Variants in CCSER2 observed in about 807,000 individuals in gnomAD.
CCSER2 encodes the protein serine-rich coiled-coil domain-containing protein 2.
CCSER2 carries 46 observed loss-of-function variants against 92.3 expected under a neutral mutation model. The ratio of observed to expected loss-of-function variants is 0.50; its 90% CI spans 0.39 to 0.64. The LOEUF (loss-of-function observed/expected upper bound fraction) is 0.64. Among genes scored for constraint, CCSER2 ranks in the 30% least tolerant of loss-of-function variants. CCSER2 has a pLI of 0.00. For missense variants in CCSER2, 1,244 were observed against 1,238.9 expected, an observed-to-expected ratio of 1.00 and a Z score of -0.06; for synonymous variants, 433 against 431.4, an observed-to-expected ratio of 1.00 and a Z score of -0.04.
At chr10:84,343,760 GATCTTGTAGACATTTTATTAATGGGC>G (rs1490946353) in intron 1 of CCSER2, among the ~76,000 whole-genome samples, 2 of 152,212 alleles carry the variant, frequency 1.3e-5, no homozygotes, top group Non-Finnish European at 2.9e-5. Context: ...TGCCAGAAAG[GATCTTGTAGACATTTTATTAATGGGC>G]TAGAAAAGAG....
chr10:84,409,822 T>G (rs1009182321), intron 3 of CCSER2, among the ~76,000 whole-genome samples: 3 of 152,204 alleles, frequency 2.0e-5, no homozygotes, highest in African/African-American at 7.2e-5. Context: ...CATGTAAATG[T>G]GTGCCATGGT....
intron 1 of CCSER2, among the ~76,000 whole-genome samples, chr10:84,362,271 G>A (rs1000148891): frequency 1.9e-4 from 29 of 152,234 alleles, no homozygotes; most frequent in African/African-American, 7.0e-4. Context: ...GATTTGACCT[G>A]GTGTTTGTAA....
intron 1 of CCSER2, among the ~76,000 whole-genome samples, chr10:84,348,728 A>T (rs532210325): frequency 6.9e-6 from 1 of 145,458 alleles, no homozygotes; most frequent in East Asian, 2.1e-4. Flanking sequence ...GGACTGTCTT[A>T]AAAAAAGTTT....
rs757020496 is a variant in CCSER2, at chr10:84,373,708, C to T, written c.1507C>T (p.Pro503Ser). Residue 503 changes from proline to serine, a missense_variant, in exon 3 of 10, where the codon CCA becomes TCA. Transcript: ENST00000372088. ...YRAGSSFELSPSDSSDGTYMW... is the reference protein window; with the variant it reads ...YRAGSSFELSSSDSSDGTYMW... ...AGCTGGTTCTTCGTTTGAACTCTCT[C>T]CATCTGATAGCTCTGATGGAACATA... 6.2e-7 allele frequency: 1 copy of T among 1,613,744 alleles called. No homozygotes were observed. Among genetic ancestry groups the T allele is most frequent in the South Asian group, 1.1e-5 (1 of 91,068 alleles).
intron 3 of CCSER2, among the ~76,000 whole-genome samples, chr10:84,415,310 G>A (rs1842838360): frequency 6.6e-6 from 1 of 152,214 alleles, no homozygotes. Flanking sequence ...TGAGGTTGCT[G>A]ACCTTTGAAT....
chr10:84,363,779 CTTG>C (rs1419728562), intron 1 of CCSER2, among the ~76,000 whole-genome samples: 4 of 152,116 alleles, frequency 2.6e-5, no homozygotes, highest in African/African-American at 4.8e-5. Context: ...ATTCTTGTCC[CTTG>C]TTGTTAGTAG....
intron 3 of CCSER2, among the ~76,000 whole-genome samples, chr10:84,375,392 A>G (rs556605982): frequency 1.3e-5 from 2 of 152,184 alleles, no homozygotes; most frequent in Admixed American, 6.6e-5. Context: ...CTGAGAAAGA[A>G]TAGAGAGTTG....
intron 6 of CCSER2, among the ~76,000 whole-genome samples, chr10:84,448,064 T>C (rs1047688740): frequency 6.6e-6 from 1 of 152,056 alleles, no homozygotes; most frequent in Non-Finnish European, 1.5e-5. Flanking sequence ...TGTCAGCCCA[T>C]TGGACTCTGA....
At chr10:84,459,255 G>C (rs1845955617) in intron 6 of CCSER2, among the ~76,000 whole-genome samples, 1 of 152,112 alleles carries the variant, frequency 6.6e-6, no homozygotes, top group Admixed American at 6.5e-5. Flanking sequence ...TGGTCTGCCT[G>C]CCTCAGCCTC....
At chr10:84,426,722 A>C (rs1471213045) in intron 5 of CCSER2, among the ~76,000 whole-genome samples, 1 of 152,202 alleles carries the variant, frequency 6.6e-6, no homozygotes, top group Non-Finnish European at 1.5e-5. Flanking sequence ...GAAGAAAAAC[A>C]TGGTGTTGTG....
chr10:84,501,053 A>G (rs1848692003), intron 9 of CCSER2, among the ~76,000 whole-genome samples: 1 of 152,156 alleles, frequency 6.6e-6, no homozygotes, highest in Non-Finnish European at 1.5e-5. Flanking sequence ...GTTCTTTAGT[A>G]GCAAGTTCGT....
intron 3 of CCSER2, among the ~76,000 whole-genome samples, chr10:84,400,513 T>A (rs943328257): frequency 5.3e-5 from 8 of 152,244 alleles, no homozygotes; most frequent in African/African-American, 1.9e-4. Context: ...TTAGTTCTTA[T>A]ATTGAGGCCA....
intron 1 of CCSER2, among the ~76,000 whole-genome samples, chr10:84,331,733 G>C (rs1207942597): frequency 6.6e-6 from 1 of 152,126 alleles, no homozygotes; most frequent in Non-Finnish European, 1.5e-5. Flanking sequence ...ACAAACAATG[G>C]TCAAAGAAAT....
rs57903884 is a variant in CCSER2, at chr10:84,460,256, AT to A, written c.2065-3659del. ...GGGCATGCGCCACCATGCCCGGCTG[AT>A]TTTTTTTTTTTTTTTTTCATATTTT... On this transcript the variant is annotated intron_variant, in intron 6 of 9. Transcript: ENST00000372088. 9.9e-3 allele frequency among the ~76,000 whole-genome samples: 1,242 copies of A among 125,698 alleles called. 12 individuals are homozygous for A. Among genetic ancestry groups the A allele is most frequent in the African/African-American group, 0.027 (882 of 32,388 alleles). 82.5% of individuals were successfully genotyped at this position (125,698 alleles called of 152,430 possible).
At chr10:84,400,967 A>G (rs1842088117) in intron 3 of CCSER2, among the ~76,000 whole-genome samples, 1 of 152,122 alleles carries the variant, frequency 6.6e-6, no homozygotes, top group Non-Finnish European at 1.5e-5. Flanking sequence ...CACACCTGTA[A>G]TCTTAGTACT....
chr10:84,452,827 G>A (rs564109258), intron 6 of CCSER2, among the ~76,000 whole-genome samples: 3 of 151,652 alleles, frequency 2.0e-5, no homozygotes, highest in South Asian at 4.2e-4. Flanking sequence ...TATGATCCCC[G>A]CCGCCCCCCT....
chr10:84,381,332 A>G (rs927467312), intron 3 of CCSER2, among the ~76,000 whole-genome samples: 3 of 152,202 alleles, frequency 2.0e-5, no homozygotes, highest in Non-Finnish European at 4.4e-5. Flanking sequence ...ATTCTTCCAC[A>G]ATATGCTTGG....
In CCSER2 at chr10:84,438,715, C is replaced by T. The variant is rs1481978339; in HGVS notation, c.2064+8C>T. The T allele has an allele frequency of 1.3e-6, 2 of 1,517,550 alleles. No homozygotes were observed. Among genetic ancestry groups the T allele is most frequent in the Non-Finnish European group, 8.9e-7 (1 of 1,121,542 alleles). 94.0% of individuals were successfully genotyped at this position (1,517,550 alleles called of 1,614,324 possible). A position where few individuals can be genotyped will look rare whatever the true frequency, so the allele number is the denominator to read the frequency against. ...AAACGTCTCCTGCATCAGGTGAGTA[C>T]ATAATGAACATTTCCAGCTCTGATA... On this transcript the variant is annotated splice_region_variant and intron_variant, in intron 6 of 9. Transcript: ENST00000372088.
Position 84,372,410 on chromosome 10 carries a change from C to A in CCSER2, c.1358C>A (p.Pro453His), listed in dbSNP as rs1177451114. 1 of 1,592,038 alleles carries A rather than the reference C, an allele frequency of 6.3e-7. No homozygotes were observed. The highest frequency in any genetic ancestry group is 1.2e-5 in the South Asian group (1 of 85,894). ...CCACCACAGGATATGTTTGATTCCCCCAAGGAAAATGAAAAAGCCTTCAGT... is the reference window on the plus strand; with the variant it reads ...CCACCACAGGATATGTTTGATTCCCACAAGGAAAATGAAAAAGCCTTCAGT... The part of the protein sequence containing the change: ...NGPPQDMFDS[P>H]KENEKAFSKT... Residue 453 changes from proline to histidine, a missense_variant, in exon 2 of 10, where the codon CCC (proline) becomes CAC (histidine). Transcript: ENST00000372088.
Sources: gnomAD v4.1 joint callset for allele counts (sites outside exome capture counted in the v4.1 genomes callset) on GRCh38, gnomAD v4.1.1 for gene constraint, MANE v1.5 for transcripts, NCBI Gene and HGNC (gene_info 2026-07-23, HGNC 2026-07-21) for gene names.